The following EEF1G variants were observed in gnomAD, a reference collection of about 807,000 sequenced individuals.
EEF1G encodes eukaryotic translation elongation factor 1 gamma.
A neutral mutation model predicts 58.3 loss-of-function variants in EEF1G; 14 were observed. The ratio of observed to expected loss-of-function variants is 0.24; its 90% CI spans 0.16 to 0.38. EEF1G has a LOEUF of 0.38. EEF1G is among the 10% of genes least tolerant of loss of function. The probability of loss-of-function intolerance (pLI) is 1.00; values close to 1 mark genes in which losing one functional copy is unlikely to be tolerated. For missense variants in EEF1G, 322 were observed against 550.1 expected (o/e 0.59, Z 4.15); for synonymous variants, 180 against 206.8 (o/e 0.87, Z 1.11).
chr11:62,573,590 C>A (rs778530571), intron 1 of EEF1G: 3 of 604,324 alleles, frequency 5.0e-6, no homozygotes, highest in Non-Finnish European at 8.7e-6. Context: ...AGGCTTCGGA[C>A]GGCCCAGACC....
intron 5 of EEF1G, 140 bp downstream of exon 5, chr11:62,570,825 G>T (rs1239503436): frequency 8.5e-7 from 1 of 1,180,418 alleles, no homozygotes; most frequent in Non-Finnish European, 1.2e-6. Context: ...CAGTGTGCTC[G>T]GATTACAGGC....
At chr11:62,566,416 C>T (rs1035113472) in intron 7 of EEF1G, among the ~76,000 whole-genome samples, 9 of 152,220 alleles carry the variant, frequency 5.9e-5, no homozygotes, top group South Asian at 4.1e-4. Flanking sequence ...CCACTATCTC[C>T]GCACAGCCGG....
intron 5 of EEF1G, among the ~76,000 whole-genome samples, chr11:62,568,339 G>T (rs912395169): frequency 7.3e-6 from 1 of 136,744 alleles, no homozygotes; most frequent in Non-Finnish European, 1.5e-5. Context: ...AGTGAACCGA[G>T]ATCACGCCAC....
chr11:62,571,505 CT>C (rs766538801), intron 4 of EEF1G, 34 bp downstream of exon 4: 15 of 1,571,678 alleles, frequency 9.5e-6, no homozygotes, highest in Admixed American at 3.6e-5. Context: ...GATGCCACCC[CT>C]GCCCCTGGCT....
chr11:62,573,509 C>A, intron 1 of EEF1G: 1 of 497,106 alleles, frequency 2.0e-6, no homozygotes, highest in Non-Finnish European at 3.6e-6. Context: ...CTCCACAAAA[C>A]GGACACAGAA....
chr11:62,561,066 C>T (rs938741240), intron 7 of EEF1G, among the ~76,000 whole-genome samples: 1 of 152,204 alleles, frequency 6.6e-6, no homozygotes, highest in African/African-American at 2.4e-5. Flanking sequence ...TAGCAGAGGT[C>T]ACTCCCTCCA....
chr11:62,565,915 A>G (rs1283060806), intron 7 of EEF1G, among the ~76,000 whole-genome samples: 2 of 152,170 alleles, frequency 1.3e-5, no homozygotes, highest in East Asian at 3.8e-4. Context: ...CCCGGTATCC[A>G]AGCCATTACA....
At chr11:62,569,574 A>G (rs1941601505) in intron 5 of EEF1G, among the ~76,000 whole-genome samples, 1 of 152,244 alleles carries the variant, frequency 6.6e-6, no homozygotes, top group African/African-American at 2.4e-5. Context: ...AAACAGCTTC[A>G]GGTAGAACTG....
intron 5 of EEF1G, among the ~76,000 whole-genome samples, chr11:62,570,234 G>T (rs966218328): frequency 6.6e-6 from 1 of 151,706 alleles, no homozygotes; most frequent in East Asian, 1.9e-4. Flanking sequence ...GCTAATTTTC[G>T]TATTTTTAAT....
intron 7 of EEF1G, among the ~76,000 whole-genome samples, chr11:62,561,663 A>C (rs1941495559): frequency 1.4e-5 from 1 of 71,336 alleles, no homozygotes; most frequent in Admixed American, 1.7e-4. Context: ...TCCGTCTCAA[A>C]AAAAAAACAA....
chr11:62,560,053 C>T lies in EEF1G; in HGVS notation c.1155+16G>A. 1.9e-6 allele frequency: 3 copies of T among 1,613,968 alleles called. No homozygotes were observed. On this transcript the variant is annotated intron_variant, in intron 9 of 9. Transcript: ENST00000329251. The stretch of plus-strand genomic sequence containing the variant: ...TGCCCCACCCTAAAGAGACTCCTCT[C>T]CTCCACCTTCCTCACCGGAAAGGCA...
At chr11:62,560,595 GAAGT>G (rs1362571300) in intron 7 of EEF1G, 141 bp from the exon 8 acceptor site, 4 of 958,074 alleles carry the variant, frequency 4.2e-6, no homozygotes, top group Non-Finnish European at 6.2e-6. Context: ...CCTTATGAGG[GAAGT>G]AAGCTCAAGG....
chr11:62,567,671 C>T, intron 5 of EEF1G, 143 bp from the exon 6 acceptor site: 1 of 782,586 alleles, frequency 1.3e-6, no homozygotes, highest in Non-Finnish European at 1.8e-6. Context: ...CAACATCATC[C>T]TTCCCTGGAT....
chr11:62,564,526 G>A (rs1362301136), intron 7 of EEF1G, among the ~76,000 whole-genome samples: 1 of 151,344 alleles, frequency 6.6e-6, no homozygotes, highest in Non-Finnish European at 1.5e-5. Flanking sequence ...ACTTTGGGAG[G>A]CGGAGACGGG....
At chr11:62,564,902 C>G (rs1941539270) in intron 7 of EEF1G, among the ~76,000 whole-genome samples, 1 of 151,392 alleles carries the variant, frequency 6.6e-6, no homozygotes, top group South Asian at 2.1e-4. Context: ...TCCGTCTCTA[C>G]TAAAAATACA....
At chr11:62,570,826 G>C in intron 5 of EEF1G, 139 bp downstream of exon 5, 1 of 1,201,480 alleles carries the variant, frequency 8.3e-7, no homozygotes, top group Non-Finnish European at 1.2e-6. Flanking sequence ...AGTGTGCTCG[G>C]ATTACAGGCA....
intron 7 of EEF1G, among the ~76,000 whole-genome samples, chr11:62,564,534 G>A (rs1247092441): frequency 1.5e-4 from 22 of 151,280 alleles, no homozygotes; most frequent in Admixed American, 1.1e-3. Flanking sequence ...AGGCGGAGAC[G>A]GGCGGATCAC....
intron 5 of EEF1G, among the ~76,000 whole-genome samples, 167 bp downstream of exon 5, chr11:62,570,798 T>C (rs1417073548): frequency 2.0e-5 from 3 of 152,170 alleles, no homozygotes; most frequent in Admixed American, 2.0e-4. Context: ...TCAGGTGATC[T>C]GCCTACCTCG....
chr11:62,570,579 C>T (rs745412556), intron 5 of EEF1G, among the ~76,000 whole-genome samples: 40 of 152,014 alleles, frequency 2.6e-4, no homozygotes, highest in Non-Finnish European at 4.3e-4. Flanking sequence ...TGTTTTGACA[C>T]GAAGTCTCAC....
Sources: allele counts gnomAD v4.1 joint callset (sites outside exome capture counted in the v4.1 genomes callset), GRCh38; gene constraint gnomAD v4.1.1; transcripts MANE v1.5; gene names NCBI Gene and HGNC (gene_info 2026-07-23, HGNC 2026-07-21).